The following PSMD2 variants were observed in gnomAD, a reference collection of about 807,000 sequenced individuals.
PSMD2 encodes 26S proteasome non-ATPase regulatory subunit 2.
In PSMD2, 8 loss-of-function variants were observed where a neutral mutation model predicts 101.5. The ratio of observed to expected loss-of-function variants is 0.08; its 90% CI spans 0.05 to 0.14. The LOEUF is 0.14. Among genes scored for constraint, PSMD2 ranks in the 10% least tolerant of loss-of-function variants. PSMD2 has a pLI of 1.00. For missense variants in PSMD2, 784 were observed against 1,147.4 expected (o/e 0.68, Z 4.58); for synonymous variants, 418 against 433.8 (o/e 0.96, Z 0.45).
Position 184,299,329 on chromosome 3 carries a change from C to G in PSMD2, c.63C>G (p.Pro21=). Residue 21 remains proline (P), a synonymous_variant, in exon 1 of 21, where the codon CCC becomes CCG. Transcript: ENST00000310118. Reference sequence around the variant, plus strand: ...CCCAGCAGTCTCCAGCGGCGGCCCCCGGCGGCACGGACGAGAAGCCGAGCG... The same window carrying G: ...CCCAGCAGTCTCCAGCGGCGGCCCCGGGCGGCACGGACGAGAAGCCGAGCG... ...VQPQQSPAAA[P]GGTDEKPSGK... 7.1e-7 allele frequency: 1 copy of G among 1,408,102 alleles called. No homozygotes were observed. Among genetic ancestry groups the G allele is most frequent in the Non-Finnish European group, 9.2e-7 (1 of 1,084,466 alleles). The allele number at this position is 1,408,102 out of a possible 1,614,324, so 87.2% of individuals were successfully genotyped here.
At position 184,305,753 on chromosome 3, in the gene PSMD2, T is replaced by C; in HGVS notation, c.1540-15T>C. 6.2e-7 allele frequency: 1 copy of C among 1,610,858 alleles called. No homozygotes were observed. The highest frequency in any genetic ancestry group is 8.5e-7 in the Non-Finnish European group (1 of 1,178,240). On this transcript the variant is annotated splice_polypyrimidine_tract_variant and intron_variant, in intron 12 of 20. Transcript: ENST00000310118. ...AATAACTTACTCTGTGTAATACTGATTTTCCTACCTCTAGGTGGCAGGTGT... is the reference window on the plus strand; with the variant it reads ...AATAACTTACTCTGTGTAATACTGACTTTCCTACCTCTAGGTGGCAGGTGT...
At chr3:184,301,767 C>G in intron 4 of PSMD2, 80 bp from the exon 5 acceptor site, 3 of 1,609,316 alleles carry the variant, frequency 1.9e-6, no homozygotes, top group Non-Finnish European at 2.6e-6. Context: ...ATTGAATTTC[C>G]CAGACGCTGG....
rs760097315 is a variant in PSMD2, at chr3:184,303,315, T to TG, written c.1070-4dup. 10 of 1,609,966 alleles carry TG rather than the reference T, an allele frequency of 6.2e-6. No homozygotes were observed. The highest frequency in any genetic ancestry group is 8.5e-6 in the Non-Finnish European group (10 of 1,178,868). On this transcript the variant is annotated splice_polypyrimidine_tract_variant and splice_region_variant and intron_variant, in intron 8 of 20. Coordinates refer to ENST00000310118, the MANE Select transcript of PSMD2 (RefSeq NM_002808.5). ...TCCTTACTTTTCCTCTCCCTCCTGT[T>TG]GCAGGGTTTGGGGGCAGTGGCTCTC...
In PSMD2 at chr3:184,308,439, C is replaced by T. The variant is rs1236277012; in HGVS notation, c.2426-10C>T. ...GTCTCTTAACTTTTTGTCCTGTCTG[C>T]TTCCCTCAGTTATTCTAGGCAAATC... On this transcript the variant is annotated splice_polypyrimidine_tract_variant and intron_variant, in intron 19 of 20. Coordinates refer to ENST00000310118, the MANE Select transcript of PSMD2 (RefSeq NM_002808.5). This position sits in a 1 kb window ranked among gnomAD's most constrained non-coding sequence, Gnocchi z 6.0. 1.9e-6 allele frequency: 3 copies of T among 1,594,524 alleles called. No homozygotes were observed. Among genetic ancestry groups the T allele is most frequent in the Admixed American group, 3.4e-5 (2 of 58,338 alleles).
intron 3 of PSMD2, 92 bp downstream of exon 3, chr3:184,300,536 G>A: frequency 6.6e-7 from 1 of 1,515,096 alleles, no homozygotes; most frequent in Non-Finnish European, 8.9e-7. Context: ...CAGGAAGCCT[G>A]ATAGACCTAA....
Position 184,308,668 on chromosome 3 carries a change from C to T in PSMD2, c.2545-40C>T. 6.3e-7 allele frequency: 1 copy of T among 1,599,228 alleles called. No individual in the cohort carries two copies. Among genetic ancestry groups the T allele is most frequent in the African/African-American group, 1.3e-5 (1 of 74,626 alleles). On this transcript the variant is annotated intron_variant, in intron 20 of 20. Transcript: ENST00000310118. The surrounding 1 kb of genome is among the most constrained non-coding windows in gnomAD (Gnocchi z 6.0). ...AACTGGCGTGGGCGGTGGCTTGTCGCTACTTTTCCATCTCTCTTTTCAATT... is the reference window on the plus strand; with the variant it reads ...AACTGGCGTGGGCGGTGGCTTGTCGTTACTTTTCCATCTCTCTTTTCAATT...
At position 184,307,454 on chromosome 3, in the gene PSMD2, G is replaced by A. The variant is rs952500412; in HGVS notation, c.2132G>A (p.Ser711Asn). The A allele has an allele frequency of 4.3e-6, 7 of 1,614,026 alleles. No homozygotes were observed. Among genetic ancestry groups the A allele is most frequent in the African/African-American group, 1.3e-5 (1 of 74,912 alleles). ...CGACTCAACATCCTGGATACCCTAA[G>A]CAAATTCTCTCATGATGCTGATCCA... ...NPRLNILDTLSKFSHDADPEV... is the reference protein window; with the variant it reads ...NPRLNILDTLNKFSHDADPEV... The change falls in exon 17 of 21, where the codon AGC becomes AAC. Residue 711 changes from serine (S) to asparagine (N), a missense_variant. By Grantham distance (46) the Ser-to-Asn change is conservative. Transcript: ENST00000310118.
At chr3:184,299,979 AACTGCTAT>A in intron 2 of PSMD2, 72 bp downstream of exon 2, 1 of 1,349,758 alleles carries the variant, frequency 7.4e-7, no homozygotes, top group South Asian at 1.2e-5. Flanking sequence ...TTTTTGAGGC[AACTGCTAT>A]GTACGGTGGA....
At position 184,308,534 on chromosome 3, in the gene PSMD2, G is replaced by A; in HGVS notation, c.2511G>A (p.Leu837=). Residue 837 remains leucine, a synonymous_variant, in exon 20 of 21, where the codon CTG becomes CTA. Coordinates refer to ENST00000310118, the MANE Select transcript of PSMD2 (RefSeq NM_002808.5). This position sits in a 1 kb window ranked among gnomAD's most constrained non-coding sequence, Gnocchi z 6.0. ...PRMLVTFDEE[L]RPLPVSVRVG... ...TGCTGGTTACGTTTGATGAGGAGCT[G>A]CGGCCATTGCCAGTGTCTGTCCGTG... The A allele has an allele frequency of 6.2e-7, 1 of 1,613,790 alleles. No individual in the cohort carries two copies. Among genetic ancestry groups the A allele is most frequent in the Non-Finnish European group, 8.5e-7 (1 of 1,180,018 alleles).
At chr3:184,303,219 A>G (rs1721708725) in intron 8 of PSMD2, 101 bp from the exon 9 acceptor site, 1 of 1,519,294 alleles carries the variant, frequency 6.6e-7, no homozygotes, top group Admixed American at 1.7e-5. Context: ...AGAGGATACT[A>G]AGGGACTAGC....
At position 184,299,284 on chromosome 3, in the gene PSMD2, G is replaced by C; in HGVS notation, c.18G>C (p.Arg6=). 1 of 1,364,646 alleles carries C rather than the reference G, an allele frequency of 7.3e-7. No individual in the cohort carries two copies. The highest frequency in any genetic ancestry group is 9.4e-7 in the Non-Finnish European group (1 of 1,059,630). The allele number at this position is 1,364,646 out of a possible 1,614,324, so 84.5% of individuals were successfully genotyped here. A position where few individuals can be genotyped will look rare whatever the true frequency, so the allele number is the denominator to read the frequency against. Residue 6 remains arginine (R), a synonymous_variant, in exon 1 of 21, where the codon CGG becomes CGC. Coordinates refer to ENST00000310118, the MANE Select transcript of PSMD2 (RefSeq NM_002808.5). ...CGGCGGAGATGGAGGAGGGAGGCCG[G>C]GACAAGGCGCCGGTGCAGCCCCAGC... The part of the protein sequence containing the change: MEEGG[R]DKAPVQPQQS...
At position 184,308,151 on chromosome 3, in the gene PSMD2, G is replaced by C. The variant is rs1577161549; in HGVS notation, c.2425+135G>C. 6.7e-6 allele frequency: 8 copies of C among 1,199,582 alleles called. No homozygotes were observed. In the East Asian group the frequency reaches 2.0e-4, roughly 30 times the overall value. 74.3% of individuals were successfully genotyped at this position (1,199,582 alleles called of 1,614,324 possible). ...CTCTAGGTTTCTGAGACAGGCTTTG[G>C]GCCTGTGACATGAGACTTTCATCAC... On this transcript the variant is annotated intron_variant, in intron 19 of 20. Transcript: ENST00000310118. This position sits in a 1 kb window ranked among gnomAD's most constrained non-coding sequence, Gnocchi z 6.0.
At chr3:184,300,743 T>G in intron 3 of PSMD2, 2 of 844,112 alleles carry the variant, frequency 2.4e-6, no homozygotes, top group Non-Finnish European at 3.0e-6. Context: ...CATTTATCTC[T>G]AAAATATGTT....
chr3:184,307,751 C>T (rs1193960922), intron 18 of PSMD2, 43 bp downstream of exon 18: 3 of 1,607,064 alleles, frequency 1.9e-6, no homozygotes, highest in Non-Finnish European at 8.5e-7. Flanking sequence ...GGGGAAGTAT[C>T]TGTGGTGATG....
chr3:184,302,204 T>TGA, intron 5 of PSMD2, 133 bp downstream of exon 5: 1 of 1,189,002 alleles, frequency 8.4e-7, no homozygotes, highest in Admixed American at 2.2e-5. Context: ...TTGATGTGTG[T>TGA]GAGTTTCTTG....
chr3:184,307,879 G>C lies in PSMD2; in HGVS notation c.2299-11G>C. The C allele has an allele frequency of 6.2e-7, 1 of 1,613,644 alleles. No individual in the cohort carries two copies. The highest frequency in any genetic ancestry group is 8.5e-7 in the Non-Finnish European group (1 of 1,179,996). ...TAACTCCTCACCTCTACTTCCCTCT[G>C]TTTTTTTCAGGGCCTGACACATTTA... On this transcript the variant is annotated splice_polypyrimidine_tract_variant and intron_variant, in intron 18 of 20. Coordinates refer to ENST00000310118, the MANE Select transcript of PSMD2 (RefSeq NM_002808.5).
Position 184,308,889 on chromosome 3 carries a change from A to G in PSMD2, c.2726A>G (p.Ter909=). Residue 909 remains the stop codon, a stop_retained_variant, in exon 21 of 21, where the codon TAA becomes TGA. Transcript: ENST00000310118. The surrounding 1 kb of genome is among the most constrained non-coding windows in gnomAD (Gnocchi z 6.0). ...ILRKNPNYDL[*] ...CGGAAGAACCCCAATTATGATCTCT[A>G]AGTGACCACCAGGGGCTCTGAACTG... 6.2e-7 allele frequency: 1 copy of G among 1,611,138 alleles called. No individual in the cohort carries two copies. The highest frequency in any genetic ancestry group is 8.5e-7 in the Non-Finnish European group (1 of 1,179,296).
Position 184,307,943 on chromosome 3 carries a change from C to T in PSMD2, c.2352C>T (p.Asp784=), listed in dbSNP as rs776687091. Residue 784 remains aspartate, a synonymous_variant, in exon 19 of 21, where the codon GAC becomes GAT. Coordinates refer to ENST00000310118, the MANE Select transcript of PSMD2 (RefSeq NM_002808.5). ...GTLTLCPYHS[D]RQLMSQVAVA... The stretch of plus-strand genomic sequence containing the variant: ...TTACCCTCTGCCCCTACCACAGCGA[C>T]CGGCAGCTTATGAGCCAGGTGGCCG... The T allele has an allele frequency of 2.5e-6, 4 of 1,614,030 alleles. No homozygotes were observed.
In PSMD2 at chr3:184,299,906, G is replaced by A. The variant is rs376597661; in HGVS notation, c.191G>A (p.Gly64Glu). 9.3e-6 allele frequency: 15 copies of A among 1,613,318 alleles called. 1 individual carries two copies. In the African/African-American group the frequency reaches 2.0e-4, roughly 22 times the overall value. The change falls in exon 2 of 21, where the codon GGG becomes GAG. Residue 64 changes from glycine to glutamate, a missense_variant and splice_region_variant. Transcript: ENST00000310118. The stretch of plus-strand genomic sequence containing the variant: ...CTGGAGATGCTCGTGGAACGACTAG[G>A]GGTGAGTCACGATGTTAACATGATT... ...DELEMLVERL[G>E]EKDTSLYRPA... is the part of the protein sequence containing the mutation.
Sources: gnomAD v4.1 joint callset for allele counts on GRCh38, gnomAD v4.1.1 for gene constraint, Gnocchi (gnomAD v3.1) non-coding constraint, MANE v1.5 for transcripts, NCBI Gene and HGNC (gene_info 2026-07-23, HGNC 2026-07-21) for gene names.